Variants in DNM3 observed in about 807,000 individuals in gnomAD.
The protein encoded by DNM3 is dynamin-3.
DNM3 carries 47 observed loss-of-function variants against 101.6 expected under a neutral mutation model. The ratio of observed to expected loss-of-function variants is 0.46; its 90% CI spans 0.37 to 0.59. The LOEUF (loss-of-function observed/expected upper bound fraction) is 0.59. DNM3 is among the 20% of genes least tolerant of loss of function. DNM3 has a pLI of 0.00. For missense variants in DNM3, 849 were observed against 1,085.7 expected, an observed-to-expected ratio of 0.78 and a Z score of 3.06; for synonymous variants, 385 against 387.9, an observed-to-expected ratio of 0.99 and a Z score of 0.09.
At chr1:172,363,570 T>C (rs757448388) in intron 17 of DNM3, among the ~76,000 whole-genome samples, 5 of 151,866 alleles carry the variant, frequency 3.3e-5, no homozygotes, top group Non-Finnish European at 5.9e-5. Context: ...ACTTCACACA[T>C]AGTTTCTTAC....
chr1:171,972,406 T>C (rs1337287998), intron 2 of DNM3, among the ~76,000 whole-genome samples: 1 of 152,180 alleles, frequency 6.6e-6, no homozygotes, highest in African/African-American at 2.4e-5. Context: ...ACACATTCCT[T>C]ATAGTGGAGA....
At chr1:172,265,447 C>T (rs2062823289) in intron 15 of DNM3, among the ~76,000 whole-genome samples, 1 of 152,064 alleles carries the variant, frequency 6.6e-6, no homozygotes, top group Non-Finnish European at 1.5e-5. Flanking sequence ...CATAAACTCC[C>T]GGTAAGAATA....
Position 172,308,840 on chromosome 1 carries a change from G to A in DNM3, c.1881+1G>A. ...TGGGGTCTATCCTGACAAATCTGTA[G>A]TAAGTTGGATATATCTCTTATGTAA... On this transcript the variant is annotated splice_donor_variant, in intron 16 of 20. Coordinates refer to ENST00000627582, the MANE Select transcript of DNM3 (RefSeq NM_015569.5). LOFTEE classifies it high-confidence loss of function. The A allele has an allele frequency of 6.4e-7, 1 of 1,564,630 alleles. No homozygotes were observed. The highest frequency in any genetic ancestry group is 8.8e-7 in the Non-Finnish European group (1 of 1,139,858).
intron 10 of DNM3, among the ~76,000 whole-genome samples, chr1:172,053,988 T>C (rs1453213240): frequency 1.3e-5 from 2 of 152,096 alleles, no homozygotes; most frequent in Non-Finnish European, 2.9e-5. Context: ...TTAAAGGGAG[T>C]GCTATGAATA....
intron 14 of DNM3, among the ~76,000 whole-genome samples, chr1:172,176,319 G>A (rs928246860): frequency 6.6e-6 from 1 of 151,848 alleles, no homozygotes; most frequent in Non-Finnish European, 1.5e-5. Flanking sequence ...AGAAAAGGAA[G>A]GAAACATTTT....
At chr1:172,237,156 T>G (rs1175096616) in intron 14 of DNM3, among the ~76,000 whole-genome samples, 7 of 152,168 alleles carry the variant, frequency 4.6e-5, no homozygotes, top group Non-Finnish European at 8.8e-5. Context: ...TGCTGAGATA[T>G]TTTCAAGAGT....
intron 1 of DNM3, among the ~76,000 whole-genome samples, chr1:171,915,795 G>A (rs565971481): frequency 5.9e-5 from 9 of 152,302 alleles, no homozygotes; most frequent in Admixed American, 5.9e-4. Flanking sequence ...AGATGTTTAA[G>A]AGGTTAATGT....
chr1:172,024,368 T>C (rs1184610799), intron 4 of DNM3, among the ~76,000 whole-genome samples: 2 of 152,222 alleles, frequency 1.3e-5, no homozygotes, highest in Non-Finnish European at 2.9e-5. Context: ...TTACAGACCG[T>C]GATCCTTTTT....
At chr1:172,058,821 C>T (rs2050881504) in intron 10 of DNM3, among the ~76,000 whole-genome samples, 1 of 151,352 alleles carries the variant, frequency 6.6e-6, no homozygotes, top group African/African-American at 2.4e-5. Context: ...CAAAAGCTAG[C>T]AGAAGGCAAG....
chr1:171,860,665 G>T (rs1197241378), intron 1 of DNM3, among the ~76,000 whole-genome samples: 1 of 152,042 alleles, frequency 6.6e-6, no homozygotes, highest in East Asian at 1.9e-4. Context: ...CAGAGAGATG[G>T]GTTAGGAATC....
At chr1:172,307,702 G>A (rs2064896957) in intron 15 of DNM3, among the ~76,000 whole-genome samples, 1 of 152,174 alleles carries the variant, frequency 6.6e-6, no homozygotes, top group Non-Finnish European at 1.5e-5. Flanking sequence ...CCATAAAAAG[G>A]ATGAGTTCAT....
chr1:172,154,673 A>C (rs1011309126), intron 14 of DNM3, among the ~76,000 whole-genome samples: 2 of 152,114 alleles, frequency 1.3e-5, no homozygotes, highest in Admixed American at 1.3e-4. Flanking sequence ...TAATCCTATC[A>C]CATAGGTCCT....
chr1:172,082,707 C>T (rs1446990850), intron 12 of DNM3, among the ~76,000 whole-genome samples: 2 of 152,264 alleles, frequency 1.3e-5, no homozygotes, highest in East Asian at 3.9e-4. Context: ...AAAAAAATGA[C>T]AGAATGTCAA....
intron 2 of DNM3, among the ~76,000 whole-genome samples, chr1:171,927,127 T>G (rs1249928612): frequency 6.6e-6 from 1 of 152,240 alleles, no homozygotes; most frequent in Non-Finnish European, 1.5e-5. Flanking sequence ...GAAGATGATG[T>G]GATCACATGT....
intron 15 of DNM3, among the ~76,000 whole-genome samples, chr1:172,294,291 T>C: frequency 6.6e-6 from 1 of 152,188 alleles, no homozygotes; most frequent in South Asian, 2.1e-4. Context: ...CCTTTTAAAC[T>C]TGAATATCTT....
At chr1:171,920,806 G>A (rs181970291) in intron 1 of DNM3, among the ~76,000 whole-genome samples, 360 of 152,230 alleles carry the variant, frequency 2.4e-3, no homozygotes, top group Non-Finnish European at 3.7e-3. Context: ...TTATCAAAAC[G>A]TCCATTTATC....
chr1:172,148,909 G>C (rs953018519), intron 14 of DNM3, among the ~76,000 whole-genome samples: 11 of 152,046 alleles, frequency 7.2e-5, no homozygotes, highest in African/African-American at 2.7e-4. Context: ...CAAACAAATG[G>C]CTTCCCTCAA....
intron 14 of DNM3, among the ~76,000 whole-genome samples, chr1:172,252,594 G>A (rs888685573): frequency 6.6e-6 from 1 of 152,098 alleles, no homozygotes; most frequent in African/African-American, 2.4e-5. Context: ...CACCAGAGAT[G>A]TAACCTGGGA....
At chr1:172,098,222 G>A (rs866125675) in intron 13 of DNM3, among the ~76,000 whole-genome samples, 2 of 152,048 alleles carry the variant, frequency 1.3e-5, no homozygotes, top group South Asian at 2.1e-4. Flanking sequence ...AGCTTCGACC[G>A]TAAAAGACAG....
Sources: allele counts gnomAD v4.1 joint callset (sites outside exome capture counted in the v4.1 genomes callset), GRCh38; gene constraint gnomAD v4.1.1; transcripts MANE v1.5; gene names NCBI Gene and HGNC (gene_info 2026-07-23, HGNC 2026-07-21).